Variants in TMEM41B observed in about 807,000 individuals in gnomAD.
TMEM41B encodes the protein protein stasimon.
TMEM41B carries 18 observed loss-of-function variants against 31.9 expected under a neutral mutation model. That is an observed-to-expected ratio of 0.56 (90% confidence interval 0.39 to 0.84). The LOEUF (loss-of-function observed/expected upper bound fraction) is 0.84, where lower values mean the gene tolerates loss of function less well. Among genes scored for constraint, TMEM41B ranks in the 40% least tolerant of loss-of-function variants. The probability of loss-of-function intolerance (pLI) is 0.00; values close to 1 mark genes in which losing one functional copy is unlikely to be tolerated. For synonymous variants in TMEM41B, 144 were observed against 124.3 expected, an observed-to-expected ratio of 1.16 and a Z score of -1.05; for missense variants, 322 against 348.0, an observed-to-expected ratio of 0.93 and a Z score of 0.59.
At chr11:9,310,809 C>CT (rs1395325399) in intron 1 of TMEM41B, among the ~76,000 whole-genome samples, 1 of 152,082 alleles carries the variant, frequency 6.6e-6, no homozygotes, top group Non-Finnish European at 1.5e-5. Flanking sequence ...CAAACAGACT[C>CT]TACTTCCCAG....
At chr11:9,296,239 GGTAATTTATATAT>G (rs1391592273) in intron 2 of TMEM41B, among the ~76,000 whole-genome samples, 1 of 152,118 alleles carries the variant, frequency 6.6e-6, no homozygotes. Context: ...ATCAGAGACA[GGTAATTTATATAT>G]GAAGGCTCTG....
At chr11:9,314,109 C>T (rs1383032489) in intron 1 of TMEM41B, among the ~76,000 whole-genome samples, 1 of 152,234 alleles carries the variant, frequency 6.6e-6, no homozygotes, top group Non-Finnish European at 1.5e-5. Flanking sequence ...ATGAATTCTA[C>T]TCAAACAGCA....
At chr11:9,311,491 C>T in intron 1 of TMEM41B, 1 of 1,421,410 alleles carries the variant, frequency 7.0e-7, no homozygotes. Flanking sequence ...CCTGGATACC[C>T]TGGCTGTGGC....
At chr11:9,311,394 A>C in intron 1 of TMEM41B, 1 of 1,425,750 alleles carries the variant, frequency 7.0e-7, no homozygotes, top group Non-Finnish European at 9.9e-7. Context: ...TGCTGGTCCA[A>C]CCATGCCAGG....
intron 1 of TMEM41B, among the ~76,000 whole-genome samples, chr11:9,306,622 C>A (rs1184785138): frequency 2.0e-5 from 3 of 151,990 alleles, no homozygotes; most frequent in African/African-American, 7.2e-5. Flanking sequence ...GGAGGCGGAG[C>A]TTGCAGTGAG....
intron 1 of TMEM41B, among the ~76,000 whole-genome samples, chr11:9,305,658 A>T (rs1853372949): frequency 6.6e-6 from 1 of 152,174 alleles, no homozygotes; most frequent in Admixed American, 6.6e-5. Context: ...TCTTAAAGGT[A>T]TGCTACTTTT....
At chr11:9,300,306 A>T (rs906603810) in intron 1 of TMEM41B, among the ~76,000 whole-genome samples, 8 of 152,136 alleles carry the variant, frequency 5.3e-5, no homozygotes, top group African/African-American at 1.9e-4. Flanking sequence ...AAATGCTCTA[A>T]ATTTTATCAT....
Position 9,282,688 on chromosome 11 carries a change from C to A in TMEM41B, c.*736G>T, listed in dbSNP as rs931631851. ...GTGGCTCACGCCTGTAATCCCAGCA[C>A]TTTGGGAGGCCAAGGCGGGCAGATC... On this transcript the variant is annotated 3_prime_UTR_variant, in exon 7 of 7. Coordinates refer to ENST00000528080, the MANE Select transcript of TMEM41B (RefSeq NM_015012.4). 8 of 152,140 alleles carry A rather than the reference C, an allele frequency of 5.3e-5. No individual in the cohort carries two copies. The highest frequency in any genetic ancestry group is 1.9e-4 in the African/African-American group (8 of 41,436). 9.4% of individuals were successfully genotyped at this position (152,140 alleles called of 1,614,324 possible).
chr11:9,299,836 TGG>T (rs1160941013), intron 1 of TMEM41B, 135 bp from the exon 2 acceptor site: 8 of 706,066 alleles, frequency 1.1e-5, no homozygotes, highest in Non-Finnish European at 1.7e-5. Context: ...ATTTAAGCAC[TGG>T]GCCGGGCACA....
At chr11:9,303,644 CTT>C (rs1424628175) in intron 1 of TMEM41B, among the ~76,000 whole-genome samples, 1 of 138,350 alleles carries the variant, frequency 7.2e-6, no homozygotes, top group African/African-American at 2.7e-5. Context: ...CCCTATTATT[CTT>C]TTTCTTTTTT....
chr11:9,304,374 G>A (rs577341797), intron 1 of TMEM41B, among the ~76,000 whole-genome samples: 1 of 152,214 alleles, frequency 6.6e-6, no homozygotes, highest in African/African-American at 2.4e-5. Context: ...TCTAAAAAAA[G>A]AAAGCATAAT....
intron 5 of TMEM41B, 135 bp from the exon 6 acceptor site, chr11:9,286,728 G>A: frequency 3.3e-6 from 3 of 908,010 alleles, no homozygotes; most frequent in Non-Finnish European, 4.7e-6. Flanking sequence ...AGGCTGGCGA[G>A]GTGGTTCATG....
intron 2 of TMEM41B, among the ~76,000 whole-genome samples, chr11:9,296,043 G>C (rs1853077429): frequency 6.7e-6 from 1 of 149,936 alleles, no homozygotes; most frequent in East Asian, 2.0e-4. Flanking sequence ...TTTTAGTAGA[G>C]ACGGGGTTTC....
In TMEM41B at chr11:9,280,856, C is replaced by T; in HGVS notation, c.*2568G>A. ...GATGCTTGTCTTCTTGTGGTTGTTA[C>T]CACAAGCCAAAGCTTGAATTTACAT... On this transcript the variant is annotated 3_prime_UTR_variant, in exon 7 of 7. Transcript: ENST00000528080. The T allele has an allele frequency of 6.6e-6, 1 of 152,138 alleles. No individual in the cohort carries two copies. The highest frequency in any genetic ancestry group is 1.9e-4 in the East Asian group (1 of 5,198). 9.4% of individuals were successfully genotyped at this position (152,138 alleles called of 1,614,324 possible).
chr11:9,283,432 AT>A lies in TMEM41B; in HGVS notation c.867del (p.Lys289AsnfsTer34). The A allele has an allele frequency of 1.2e-6, 2 of 1,605,208 alleles. No individual in the cohort carries two copies. The highest frequency in any genetic ancestry group is 1.7e-6 in the Non-Finnish European group (2 of 1,176,738). On this transcript the variant is annotated frameshift_variant, in exon 7 of 7. Transcript: ENST00000528080. LOFTEE classifies it high-confidence loss of function. Reference protein sequence around the residue: ...PAIFQKKLKQKFE With the variant: ...PAIFQKKLKQXFE ...AAATCAGATGATTATTTTTACTCAA[AT>A]TTCTGCTTTAGTTTTTTTTGGAAGA... is the stretch of plus-strand genomic sequence containing the variant.
At chr11:9,305,254 A>G (rs1006509241) in intron 1 of TMEM41B, among the ~76,000 whole-genome samples, 1 of 152,218 alleles carries the variant, frequency 6.6e-6, no homozygotes, top group East Asian at 1.9e-4. Flanking sequence ...AAGCAAAGAC[A>G]CATTATACAT....
intron 1 of TMEM41B, among the ~76,000 whole-genome samples, chr11:9,312,416 G>C (rs900802371): frequency 6.6e-6 from 1 of 152,192 alleles, no homozygotes; most frequent in East Asian, 1.9e-4. Context: ...TGGGAAGATC[G>C]CATGAGCCCA....
intron 1 of TMEM41B, among the ~76,000 whole-genome samples, chr11:9,300,176 A>T (rs972257686): frequency 1.3e-5 from 2 of 152,214 alleles, no homozygotes; most frequent in African/African-American, 4.8e-5. Context: ...TTGAAGTTTA[A>T]TAACTGGATA....
chr11:9,281,092 G>A lies in TMEM41B; in HGVS notation c.*2332C>T, dbSNP rs1043754022. 6.6e-6 allele frequency: 1 copy of A among 152,084 alleles called. No individual in the cohort carries two copies. The highest frequency in any genetic ancestry group is 2.4e-5 in the African/African-American group (1 of 41,400). The allele number at this position is 152,084 out of a possible 1,614,324, so 9.4% of individuals were successfully genotyped here. ...GCAAAGGGAAAGAATCAATGGTAAG[G>A]ACAGTAAATATACTCTGAGAATAGA... On this transcript the variant is annotated 3_prime_UTR_variant, in exon 7 of 7. Transcript: ENST00000528080.
Sources: allele counts gnomAD v4.1 joint callset (sites outside exome capture counted in the v4.1 genomes callset), GRCh38; gene constraint gnomAD v4.1.1; transcripts MANE v1.5; gene names NCBI Gene and HGNC (gene_info 2026-07-23, HGNC 2026-07-21).